The following N4BP2 variants were observed in gnomAD, a reference collection of about 807,000 sequenced individuals.
N4BP2 encodes NEDD4-binding protein 2.
A neutral mutation model predicts 152.8 loss-of-function variants in N4BP2; 91 were observed. The ratio of observed to expected loss-of-function variants is 0.60; its 90% confidence interval spans 0.50 to 0.71. The LOEUF (loss-of-function observed/expected upper bound fraction) is 0.71, where lower values mean the gene tolerates loss of function less well. Ranked by LOEUF, N4BP2 falls within the 30% of genes least tolerant of loss-of-function variation. The pLI, the probability that N4BP2 is intolerant of heterozygous loss-of-function variation, is 0.00. For synonymous variants in N4BP2, 646 were observed against 705.3 expected, an observed-to-expected ratio of 0.92 and a Z score of 1.33; for missense variants, 1,923 against 2,059.1, an observed-to-expected ratio of 0.93 and a Z score of 1.28.
rs1718006166 is a variant in N4BP2 at position 40,122,241 on chromosome 4, A to T, written c.4130A>T (p.Glu1377Val). Reference sequence around the variant, plus strand: ...AAATCTCTGACCATAGACTGTCTGGAATTGGCATTACCCCCTGAACTGGCT... The same window carrying T: ...AAATCTCTGACCATAGACTGTCTGGTATTGGCATTACCCCCTGAACTGGCT... ...MAKSLTIDCLELALPPELAFQ... is the reference protein window; with the variant it reads ...MAKSLTIDCLVLALPPELAFQ... Residue 1377 changes from glutamate to valine, a missense_variant, in exon 9 of 18, where the codon GAA becomes GTA. Physicochemically the swap from Glu to Val is moderately radical, Grantham distance 121. Transcript: ENST00000261435. 2 of 1,608,386 alleles carry T rather than the reference A, an allele frequency of 1.2e-6. No individual in the cohort carries two copies. Among genetic ancestry groups the T allele is most frequent in the South Asian group, 2.2e-5 (2 of 90,480 alleles).
At chr4:40,109,506 T>A (rs916283431) in intron 5 of N4BP2, among the ~76,000 whole-genome samples, 1 of 152,036 alleles carries the variant, frequency 6.6e-6, no homozygotes, top group African/African-American at 2.4e-5. Context: ...TCACCTGAGG[T>A]CAGGAGTTTG....
chr4:40,154,265 A>G lies in N4BP2; in HGVS notation c.*28A>G. On this transcript the variant is annotated 3_prime_UTR_variant, in exon 18 of 18. Transcript: ENST00000261435. ...TAAACATCCTTGAATTAGAAGTATG[A>G]AGGTTTGTAGGTTAAAATTACTTTT... 1.3e-6 allele frequency: 2 copies of G among 1,519,470 alleles called. No individual in the cohort carries two copies. The highest frequency in any genetic ancestry group is 1.8e-6 in the Non-Finnish European group (2 of 1,107,242). The allele number at this position is 1,519,470 out of a possible 1,614,324, so 94.1% of individuals were successfully genotyped here.
intron 2 of N4BP2, among the ~76,000 whole-genome samples, chr4:40,093,836 G>T (rs1714860540): frequency 6.6e-6 from 1 of 152,022 alleles, no homozygotes; most frequent in Non-Finnish European, 1.5e-5. Context: ...CTGACCTCAG[G>T]CGATCCACCC....
At chr4:40,172,378 C>A in the N4BP2 span, among the ~76,000 whole-genome samples, 5 of 152,142 alleles carry the variant, frequency 3.3e-5, no homozygotes, top group Non-Finnish European at 1.5e-5. Context: ...ACAGACACCC[C>A]CAGGAACAAC....
intron 13 of N4BP2, among the ~76,000 whole-genome samples, chr4:40,133,715 A>G (rs1208589321): frequency 1.3e-5 from 2 of 152,250 alleles, no homozygotes; most frequent in South Asian, 2.1e-4. Context: ...CATTATGTAT[A>G]TACAGATATT....
intron 16 of N4BP2, among the ~76,000 whole-genome samples, chr4:40,146,716 T>C (rs946224843): frequency 6.6e-6 from 1 of 152,156 alleles, no homozygotes; most frequent in Non-Finnish European, 1.5e-5. Flanking sequence ...TTCAAGTATA[T>C]GATATAGTGC....
At chr4:40,127,327 C>A (rs1316931780) in intron 12 of N4BP2, among the ~76,000 whole-genome samples, 2 of 150,984 alleles carry the variant, frequency 1.3e-5, no homozygotes, top group East Asian at 2.0e-4. Context: ...AAGTGAGCCT[C>A]CTGTCTTAGA....
In N4BP2 at chr4:40,123,144, G is replaced by C; in HGVS notation, c.4216G>C (p.Asp1406His). 4 of 1,609,794 alleles carry C rather than the reference G, an allele frequency of 2.5e-6. No homozygotes were observed. The highest frequency in any genetic ancestry group is 3.4e-6 in the Non-Finnish European group (4 of 1,176,864). The change falls in exon 10 of 18, where the codon GAT becomes CAT. Residue 1406 changes from aspartate (D) to histidine (H), a missense_variant. Physicochemically the swap from Asp to His is moderately conservative, Grantham distance 81. Transcript: ENST00000261435. ...CCCACAAGGGTCTCTAACAGTTGAAGATTGTGTGGTTCATATAGATCTGAA... is the reference window on the plus strand; with the variant it reads ...CCCACAAGGGTCTCTAACAGTTGAACATTGTGTGGTTCATATAGATCTGAA... ...GIDSGSLTVE[D>H]CVVHIDLNLA...
chr4:40,125,207 A>T (rs1344640267), intron 11 of N4BP2, among the ~76,000 whole-genome samples: 1 of 152,168 alleles, frequency 6.6e-6, no homozygotes, highest in African/African-American at 2.4e-5. Context: ...TGCCCAAAGG[A>T]TGGTGTGCAA....
At chr4:40,105,666 T>C (rs1422560590) in intron 4 of N4BP2, among the ~76,000 whole-genome samples, 2 of 151,826 alleles carry the variant, frequency 1.3e-5, no homozygotes, top group Non-Finnish European at 2.9e-5. Context: ...CCTCCTGCCT[T>C]GGCCTCCTGA....
chr4:40,079,355 G>A (rs1376497265), intron 2 of N4BP2, among the ~76,000 whole-genome samples: 1 of 151,376 alleles, frequency 6.6e-6, no homozygotes, highest in African/African-American at 2.4e-5. Context: ...GAGCTCAAAT[G>A]ATCCTCCTTC....
At chr4:40,161,108 C>T (rs918493835), downstream of N4BP2, among the ~76,000 whole-genome samples, 3 of 152,178 alleles carry the variant, frequency 2.0e-5, no homozygotes, top group Non-Finnish European at 4.4e-5. Context: ...AGAATAACAG[C>T]CCGAAGTCAT....
At chr4:40,160,537 A>C (rs571412333), downstream of N4BP2, among the ~76,000 whole-genome samples, 3 of 152,328 alleles carry the variant, frequency 2.0e-5, no homozygotes, top group East Asian at 5.8e-4. Context: ...GGCTAGGCTA[A>C]GCTATGATGT....
chr4:40,111,430 G>A (rs1716872556), intron 5 of N4BP2, among the ~76,000 whole-genome samples: 2 of 151,790 alleles, frequency 1.3e-5, no homozygotes, highest in African/African-American at 4.8e-5. Context: ...AAGTGATTCT[G>A]CTGTCTCAGC....
intron 2 of N4BP2, among the ~76,000 whole-genome samples, chr4:40,093,749 C>T (rs1396567691): frequency 6.6e-6 from 1 of 152,048 alleles, no homozygotes; most frequent in Non-Finnish European, 1.5e-5. Flanking sequence ...CTTCAGTGCG[C>T]GTGCCAGCGC....
chr4:40,130,787 G>T (rs943099732), intron 12 of N4BP2, among the ~76,000 whole-genome samples: 3 of 152,128 alleles, frequency 2.0e-5, no homozygotes, highest in African/African-American at 7.2e-5. Context: ...GGAATTTTCA[G>T]TCATTTTATT....
In N4BP2 at chr4:40,155,648, A is replaced by T. The variant is rs1238225018; in HGVS notation, c.*1411A>T. 1 of 152,136 alleles carries T rather than the reference A, an allele frequency of 6.6e-6. No homozygotes were observed. Among genetic ancestry groups the T allele is most frequent in the African/African-American group, 2.4e-5 (1 of 41,446 alleles). 9.4% of individuals were successfully genotyped at this position (152,136 alleles called of 1,614,324 possible). On this transcript the variant is annotated 3_prime_UTR_variant, in exon 18 of 18. Transcript: ENST00000261435. Reference sequence around the variant, plus strand: ...CAATGGCTTAAATTTGCCTTTGGAGATGGAGAATATTTTCAACATACATAA... The same window carrying T: ...CAATGGCTTAAATTTGCCTTTGGAGTTGGAGAATATTTTCAACATACATAA...
At chr4:40,060,755 G>C (rs527542810) in intron 1 of N4BP2, among the ~76,000 whole-genome samples, 1 of 151,752 alleles carries the variant, frequency 6.6e-6, no homozygotes, top group Non-Finnish European at 1.5e-5. Flanking sequence ...GGCACATACC[G>C]CTGTGCCTGG....
In N4BP2 at chr4:40,117,853, C is replaced by T. The variant is rs79258688; in HGVS notation, c.1665-16C>T. The T allele has an allele frequency of 1.3e-6, 2 of 1,579,428 alleles. No homozygotes were observed. The highest frequency in any genetic ancestry group is 1.7e-6 in the Non-Finnish European group (2 of 1,165,218). ...ATCAATATTCCTTCAACCCTTTTTT[C>T]CCCTGGAATTTTCAGGCGTAACATT... On this transcript the variant is annotated splice_polypyrimidine_tract_variant and intron_variant, in intron 7 of 17. Transcript: ENST00000261435.
Sources: gnomAD v4.1 joint callset for allele counts (sites outside exome capture counted in the v4.1 genomes callset) on GRCh38, gnomAD v4.1.1 for gene constraint, MANE v1.5 for transcripts, NCBI Gene and HGNC (gene_info 2026-07-23, HGNC 2026-07-21) for gene names.